The following PTPN4 variants were observed in gnomAD, a reference collection of about 807,000 sequenced individuals.
PTPN4 encodes tyrosine-protein phosphatase non-receptor type 4.
A neutral mutation model predicts 135.5 loss-of-function variants in PTPN4; 49 were observed. The ratio of observed to expected loss-of-function variants is 0.36; its 90% confidence interval spans 0.29 to 0.46. The LOEUF is 0.46. Ranked by LOEUF, PTPN4 falls within the 20% of genes least tolerant of loss-of-function variation. PTPN4 has a pLI of 1.00. For synonymous variants in PTPN4, 333 were observed against 369.9 expected (o/e 0.90, Z 1.14); for missense variants, 860 against 1,101.0 (o/e 0.78, Z 3.10).
chr2:119,967,713 T>A (rs1259457231), intron 25 of PTPN4, 124 bp from the exon 26 acceptor site: 1 of 823,978 alleles, frequency 1.2e-6, no homozygotes, highest in Non-Finnish European at 1.7e-6. Flanking sequence ...GCTTACTACT[T>A]TTATAATTAA....
At chr2:119,818,672 CTT>C (rs1456283946) in intron 2 of PTPN4, among the ~76,000 whole-genome samples, 1 of 152,156 alleles carries the variant, frequency 6.6e-6, no homozygotes, top group Non-Finnish European at 1.5e-5. Context: ...GGTTTGGACT[CTT>C]ATTTGTTGGA....
In PTPN4 at chr2:119,858,846, G is replaced by A. The variant is rs1355116047; in HGVS notation, c.139-3690G>A. On this transcript the variant is annotated intron_variant, in intron 2 of 26. Transcript: ENST00000263708. ...AGACAAGGTTTCACCATATTAGCCA[G>A]GATGATCTTGATCTCCTGACCTCGT... is the stretch of plus-strand genomic sequence containing the variant. Among the ~76,000 whole-genome samples the A allele has an allele frequency of 2.6e-5, 4 of 152,058 alleles. No homozygotes were observed. In the South Asian group the frequency reaches 6.2e-4, roughly 24 times the overall value.
chr2:119,837,884 A>G (rs1677319518), intron 2 of PTPN4, among the ~76,000 whole-genome samples: 1 of 152,220 alleles, frequency 6.6e-6, no homozygotes. Context: ...GCTGGCACCT[A>G]TGCCAGTGCC....
intron 2 of PTPN4, among the ~76,000 whole-genome samples, chr2:119,813,408 T>A (rs1027076263): frequency 6.6e-6 from 1 of 151,866 alleles, no homozygotes; most frequent in African/African-American, 2.4e-5. Context: ...CCACCATGCC[T>A]GGTTAATTTT....
chr2:119,781,285 G>A lies in PTPN4; in HGVS notation c.-18+20901G>A, dbSNP rs115430002. Among the ~76,000 whole-genome samples, 547 of 152,222 alleles carry A rather than the reference G, an allele frequency of 3.6e-3. 3 individuals carry two copies. Among genetic ancestry groups the A allele is most frequent in the African/African-American group, 0.013 (525 of 41,522 alleles). ...ATATAGTAGGTTAAGTATATTCAGT[G>A]TTATTGGAGTATTTTGACTTCTAGG... On this transcript the variant is annotated intron_variant, in intron 1 of 26. Transcript: ENST00000263708.
intron 1 of PTPN4, among the ~76,000 whole-genome samples, chr2:119,782,029 G>C (rs995317794): frequency 6.6e-6 from 1 of 152,202 alleles, no homozygotes; most frequent in Middle Eastern, 3.4e-3. Context: ...GGCAGTGATC[G>C]AATTTTAGAA....
chr2:119,967,815 T>C, intron 25 of PTPN4, 22 bp from the exon 26 acceptor site: 1 of 1,573,076 alleles, frequency 6.4e-7, no homozygotes, highest in Non-Finnish European at 8.7e-7. Flanking sequence ...GGTAAGATCT[T>C]GCCTATATTT....
chr2:119,982,830 C>G lies in PTPN4; in HGVS notation c.*5760C>G, dbSNP rs1679714689. 1 of 152,096 alleles carries G rather than the reference C, an allele frequency of 6.6e-6. No individual in the cohort carries two copies. Among genetic ancestry groups the G allele is most frequent in the African/African-American group, 2.4e-5 (1 of 41,396 alleles). 9.4% of individuals were successfully genotyped at this position (152,096 alleles called of 1,614,324 possible). ...TAAATGCTTTTTGCCTTTTTATTCC[C>G]AATGTCTTGGACAGTTGAGACAACT... On this transcript the variant is annotated 3_prime_UTR_variant, in exon 27 of 27. Transcript: ENST00000263708.
intron 26 of PTPN4, among the ~76,000 whole-genome samples, chr2:119,974,704 GT>G (rs1679588663): frequency 6.6e-6 from 1 of 152,104 alleles, no homozygotes; most frequent in South Asian, 2.1e-4. Flanking sequence ...AAGAAGCCCG[GT>G]TCTTTTTATT....
intron 13 of PTPN4, among the ~76,000 whole-genome samples, chr2:119,926,908 A>G (rs1329561747): frequency 6.6e-6 from 1 of 152,120 alleles, no homozygotes; most frequent in Non-Finnish European, 1.5e-5. Flanking sequence ...TAGGCTGATC[A>G]AATATTATGT....
intron 3 of PTPN4, among the ~76,000 whole-genome samples, chr2:119,865,703 T>C (rs1472854006): frequency 1.3e-5 from 2 of 152,090 alleles, no homozygotes; most frequent in African/African-American, 4.8e-5. Flanking sequence ...CTTTAGCTCA[T>C]AATTTTTAAA....
At chr2:119,774,430 C>T (rs554585601) in intron 1 of PTPN4, among the ~76,000 whole-genome samples, 1 of 152,292 alleles carries the variant, frequency 6.6e-6, no homozygotes, top group Non-Finnish European at 1.5e-5. Flanking sequence ...GCTACACCAG[C>T]AGGTGCAAAA....
At chr2:119,962,158 C>T (rs1340502788) in intron 23 of PTPN4, among the ~76,000 whole-genome samples, 1 of 151,908 alleles carries the variant, frequency 6.6e-6, no homozygotes, top group African/African-American at 2.4e-5. Flanking sequence ...AAAAAAGTGA[C>T]AAAGAAAAAA....
chr2:119,903,449 C>T (rs1281722318), intron 10 of PTPN4, among the ~76,000 whole-genome samples: 2 of 151,944 alleles, frequency 1.3e-5, no homozygotes, highest in African/African-American at 4.8e-5. Context: ...ACTGTGAGGG[C>T]CCTCACGTGA....
chr2:119,944,374 T>G (rs2105046685), intron 15 of PTPN4, among the ~76,000 whole-genome samples: 1 of 152,350 alleles, frequency 6.6e-6, no homozygotes, highest in Admixed American at 6.5e-5. Context: ...CTTTGTGGAA[T>G]GCTCACAAGT....
intron 1 of PTPN4, among the ~76,000 whole-genome samples, chr2:119,764,770 T>G (rs1186589153): frequency 6.6e-6 from 1 of 152,220 alleles, no homozygotes; most frequent in Non-Finnish European, 1.5e-5. Flanking sequence ...CAATGCTACT[T>G]TTAAAAGTTG....
intron 10 of PTPN4, among the ~76,000 whole-genome samples, chr2:119,908,574 TTCTG>T (rs1678523068): frequency 6.6e-6 from 1 of 152,116 alleles, no homozygotes; most frequent in South Asian, 2.1e-4. Flanking sequence ...GACTGGCCGT[TTCTG>T]TCTCTCTTCC....
At chr2:119,812,973 G>A (rs937678457) in intron 2 of PTPN4, among the ~76,000 whole-genome samples, 1 of 152,094 alleles carries the variant, frequency 6.6e-6, no homozygotes, top group South Asian at 2.1e-4. Context: ...CTGTGACTGC[G>A]TAAGAAATTA....
chr2:119,937,944 T>G (rs1679007908), intron 15 of PTPN4, among the ~76,000 whole-genome samples: 1 of 149,658 alleles, frequency 6.7e-6, no homozygotes, highest in Non-Finnish European at 1.5e-5. Flanking sequence ...CACCATCTTT[T>G]AAAAACCAAA....
Sources: allele counts gnomAD v4.1 joint callset (sites outside exome capture counted in the v4.1 genomes callset), GRCh38; gene constraint gnomAD v4.1.1; transcripts MANE v1.5; gene names NCBI Gene and HGNC (gene_info 2026-07-23, HGNC 2026-07-21).